KRT80: variants seen among roughly 807,000 people sequenced by gnomAD.
KRT80 encodes the protein keratin 80.
Under a neutral mutation model 51.5 loss-of-function variants are expected in KRT80, and 36 were observed. That is an observed-to-expected ratio of 0.70 (90% confidence interval 0.54 to 0.92). The LOEUF is 0.92. Among genes scored for constraint, KRT80 ranks in the 40% least tolerant of loss-of-function variants. The pLI is 0.00. For missense variants in KRT80, 566 were observed against 591.7 expected, an observed-to-expected ratio of 0.96 and a Z score of 0.45; for synonymous variants, 235 against 248.3, an observed-to-expected ratio of 0.95 and a Z score of 0.50.
In KRT80 at chr12:52,171,051, G is replaced by A. The variant is rs1941086928; in HGVS notation, c.*347C>T. 1 of 205,386 alleles carries A rather than the reference G, an allele frequency of 4.9e-6. No homozygotes were observed. The highest frequency in any genetic ancestry group is 9.9e-6 in the Non-Finnish European group (1 of 101,286). The allele number at this position is 205,386 out of a possible 1,614,324, so 12.7% of individuals were successfully genotyped here. On this transcript the variant is annotated 3_prime_UTR_variant, in exon 9 of 9. Coordinates refer to ENST00000394815, the MANE Select transcript of KRT80 (RefSeq NM_182507.3). The stretch of plus-strand genomic sequence containing the variant: ...CAAGGATTGGGCAAGAGTCAGAGGG[G>A]CCTTGGCAGAGCCTGATGCTGGAGG...
At chr12:52,176,216 CAG>C (rs1941218273) in intron 4 of KRT80, among the ~76,000 whole-genome samples, 1 of 152,216 alleles carries the variant, frequency 6.6e-6, no homozygotes, top group Non-Finnish European at 1.5e-5. Context: ...TGCCGGGCTG[CAG>C]AGAGTATGAC....
chr12:52,174,759 A>G (rs1239088646), intron 4 of KRT80, among the ~76,000 whole-genome samples: 1 of 152,130 alleles, frequency 6.6e-6, no homozygotes, highest in Non-Finnish European at 1.5e-5. Flanking sequence ...CACCTTCTTC[A>G]TTGTCTTTCT....
intron 1 of KRT80, among the ~76,000 whole-genome samples, chr12:52,189,174 A>AC (rs1388728927): frequency 6.7e-6 from 1 of 149,946 alleles, no homozygotes; most frequent in Non-Finnish European, 1.5e-5. Flanking sequence ...CAGAGCCCCC[A>AC]CCCACTGGTC....
chr12:52,173,550 C>T (rs759635402), intron 5 of KRT80, 50 bp downstream of exon 5: 3 of 1,587,064 alleles, frequency 1.9e-6, no homozygotes, highest in Non-Finnish European at 1.7e-6. Flanking sequence ...CTTCCTGCCA[C>T]CCAGAGAACT....
chr12:52,171,605 C>A (rs748880003), intron 8 of KRT80, 53 bp downstream of exon 8: 1 of 1,607,728 alleles, frequency 6.2e-7, no homozygotes, highest in Non-Finnish European at 8.5e-7. Context: ...GATCATGATC[C>A]CCTACACCCT....
intron 2 of KRT80, 21 bp downstream of exon 2, chr12:52,185,358 C>CTCTCA (rs781540505): frequency 6.3e-7 from 1 of 1,591,784 alleles, no homozygotes; most frequent in Non-Finnish European, 8.6e-7. Context: ...TTGCTCATGG[C>CTCTCA]TCTCATGGGG....
At chr12:52,188,286 G>A (rs1342583909) in intron 1 of KRT80, among the ~76,000 whole-genome samples, 2 of 152,174 alleles carry the variant, frequency 1.3e-5, no homozygotes, top group Non-Finnish European at 2.9e-5. Context: ...AGATCATACA[G>A]TAGCAGCTGT....
rs747716212 is a variant in KRT80 at position 52,191,792 on chromosome 12, G to A, written c.111C>T (p.Pro37=). 1.9e-5 allele frequency: 31 copies of A among 1,608,938 alleles called. No homozygotes were observed. The African/African-American group carries it at 2.8e-4, about 15-fold the overall frequency. ...GTSGWDSCRA[P]GPGFSSRSLT... ...GGCTGCGGGAGCTGAAGCCCGGCCC[G>A]GGGGCCCTGCAGCTGTCCCATCCTG... The change falls in exon 1 of 9, where the codon CCC becomes CCT. Residue 37 remains proline, a synonymous_variant. Coordinates refer to ENST00000394815, the MANE Select transcript of KRT80 (RefSeq NM_182507.3).
intron 1 of KRT80, among the ~76,000 whole-genome samples, chr12:52,190,797 AG>A (rs1941467905): frequency 2.6e-5 from 4 of 152,146 alleles, no homozygotes; most frequent in Admixed American, 2.6e-4. Flanking sequence ...AGTCAGGAGG[AG>A]TTTCTTGGAG....
intron 4 of KRT80, 91 bp from the exon 5 acceptor site, chr12:52,173,855 G>C: frequency 7.6e-7 from 1 of 1,307,728 alleles, no homozygotes; most frequent in Non-Finnish European, 1.1e-6. Context: ...CGGGGTGAGC[G>C]GAGAGTGGAG....
intron 1 of KRT80, 88 bp downstream of exon 1, chr12:52,191,515 G>A (rs528332408): frequency 1.0e-4 from 134 of 1,319,440 alleles, no homozygotes; most frequent in Non-Finnish European, 1.3e-4. Flanking sequence ...GGTGGGGCGC[G>A]GTGATCGATG....
intron 4 of KRT80, among the ~76,000 whole-genome samples, chr12:52,178,787 G>A (rs145492210): frequency 1.8e-4 from 27 of 152,228 alleles, no homozygotes; most frequent in Admixed American, 1.0e-3. Context: ...GCCCTATGAG[G>A]CTGGTCCTGT....
At chr12:52,186,076 T>A (rs1277506550) in intron 1 of KRT80, among the ~76,000 whole-genome samples, 2 of 151,968 alleles carry the variant, frequency 1.3e-5, no homozygotes, top group African/African-American at 2.4e-5. Flanking sequence ...TCCCTGAACC[T>A]CAGTTTCCCC....
intron 2 of KRT80, 91 bp downstream of exon 2, chr12:52,185,288 C>T (rs1304074637): frequency 8.0e-7 from 1 of 1,246,300 alleles, no homozygotes; most frequent in Admixed American, 2.2e-5. Flanking sequence ...GAACATCTTT[C>T]CTCTTTCTCT....
At chr12:52,172,818 C>G (rs1941135013) in intron 6 of KRT80, among the ~76,000 whole-genome samples, 1 of 152,112 alleles carries the variant, frequency 6.6e-6, no homozygotes, top group Admixed American at 6.5e-5. Flanking sequence ...GTTCCAGCAG[C>G]CTTGACCAGA....
chr12:52,186,841 C>T (rs917095022), intron 1 of KRT80, among the ~76,000 whole-genome samples: 19 of 152,276 alleles, frequency 1.2e-4, no homozygotes, highest in African/African-American at 4.1e-4. Context: ...CTTCCTTCTA[C>T]CCAGTCCAGC....
chr12:52,173,152 C>T lies in KRT80; in HGVS notation c.843G>A (p.Gln281=), dbSNP rs373176358. The change falls in exon 6 of 9, where the codon CAG becomes CAA. Residue 281 remains glutamine, a synonymous_variant. Coordinates refer to ENST00000394815, the MANE Select transcript of KRT80 (RefSeq NM_182507.3). ...TCCCATACTCGGCCGAGCGGGCGGC[C>T]TGCTCCTCCAGCTGGAGGTACATGG... ...EAYSRSQLEE[Q]AARSAEYGSS... 1.2e-6 allele frequency: 2 copies of T among 1,609,720 alleles called. No individual in the cohort carries two copies. The highest frequency in any genetic ancestry group is 2.7e-5 in the African/African-American group (2 of 74,868).
At chr12:52,191,562 C>T in intron 1 of KRT80, 41 bp downstream of exon 1, 1 of 1,526,350 alleles carries the variant, frequency 6.6e-7, no homozygotes, top group Non-Finnish European at 8.8e-7. Flanking sequence ...CGGCCCAGGC[C>T]TGGCAGCCCT....
chr12:52,175,831 C>T (rs1010059819), intron 4 of KRT80, among the ~76,000 whole-genome samples: 1 of 152,164 alleles, frequency 6.6e-6, no homozygotes, highest in East Asian at 1.9e-4. Context: ...TTACCACAGC[C>T]CCACCTCTGC....
Sources: gnomAD v4.1 joint callset for allele counts (sites outside exome capture counted in the v4.1 genomes callset) on GRCh38, gnomAD v4.1.1 for gene constraint, MANE v1.5 for transcripts, NCBI Gene and HGNC (gene_info 2026-07-23, HGNC 2026-07-21) for gene names.